FANCI: variants seen among roughly 807,000 people sequenced by gnomAD.
FANCI encodes the protein FA complementation group I.
FANCI carries 156 observed loss-of-function variants against 176.1 expected under a neutral mutation model. The ratio of observed to expected loss-of-function variants is 0.89; its 90% CI spans 0.78 to 1.01. FANCI has a LOEUF of 1.01. FANCI is among the 50% of genes least tolerant of loss of function. FANCI has a pLI of 0.00. For missense variants in FANCI, 1,678 were observed against 1,534.1 expected (o/e 1.09, Z -1.57); for synonymous variants, 613 against 541.7 (o/e 1.13, Z -1.83).
intron 33 of FANCI, 35 bp downstream of exon 33, chr15:89,307,564 A>G: frequency 1.2e-6 from 2 of 1,614,190 alleles, no homozygotes; most frequent in Non-Finnish European, 1.7e-6. Flanking sequence ...GAATGGGGGA[A>G]GCACTTTTAC....
intron 24 of FANCI, among the ~76,000 whole-genome samples, chr15:89,297,796 G>A (rs765643595): frequency 6.8e-5 from 10 of 147,440 alleles, no homozygotes; most frequent in East Asian, 6.0e-4. Context: ...GAGGGGGCTC[G>A]TTTGTTTTTT....
At chr15:89,263,529 A>C in intron 7 of FANCI, 69 bp downstream of exon 7, 4 of 1,280,240 alleles carry the variant, frequency 3.1e-6, no homozygotes, top group Middle Eastern at 1.8e-4. Flanking sequence ...AAATTAAACT[A>C]TAGCAAACGT....
intron 2 of FANCI, among the ~76,000 whole-genome samples, chr15:89,257,835 C>T (rs1472319291): frequency 6.6e-6 from 1 of 152,182 alleles, no homozygotes; most frequent in Non-Finnish European, 1.5e-5. Context: ...TAACAGGTAT[C>T]CCCATTTCAC....
rs904194707 is a variant in FANCI, at chr15:89,273,549, T to C, written c.975+80T>C. ...AAAAAAAAAAAATCACAGTAATCTG[T>C]TTTTGTTGTATCCGTTCCTAAACAA... On this transcript the variant is annotated intron_variant, in intron 11 of 37. Transcript: ENST00000310775. The C allele has an allele frequency of 1.3e-5, 12 of 899,734 alleles. No individual in the cohort carries two copies. In the African/African-American group the frequency reaches 1.7e-4, roughly 13 times the overall value. 55.7% of individuals were successfully genotyped at this position (899,734 alleles called of 1,614,324 possible).
At chr15:89,305,938 C>T in intron 31 of FANCI, 69 bp from the exon 32 acceptor site, 1 of 1,527,070 alleles carries the variant, frequency 6.5e-7, no homozygotes, top group Non-Finnish European at 9.1e-7. Flanking sequence ...TAATCAATTT[C>T]TAAATCTCCT....
At chr15:89,274,839 A>G (rs769530590) in intron 12 of FANCI, among the ~76,000 whole-genome samples, 2 of 151,894 alleles carry the variant, frequency 1.3e-5, no homozygotes, top group Admixed American at 1.3e-4. Flanking sequence ...TTCTGAGCTC[A>G]AGCAATCCAC....
At chr15:89,279,561 C>T (rs1253412770) in intron 14 of FANCI, among the ~76,000 whole-genome samples, 1 of 152,150 alleles carries the variant, frequency 6.6e-6, no homozygotes, top group Non-Finnish European at 1.5e-5. Context: ...TTTATAACTC[C>T]CCTGAAACTT....
At chr15:89,257,510 A>G (rs1381952446) in intron 2 of FANCI, among the ~76,000 whole-genome samples, 1 of 152,138 alleles carries the variant, frequency 6.6e-6, no homozygotes, top group African/African-American at 2.4e-5. Flanking sequence ...AACCTTTAGC[A>G]TTCCTTGGCT....
intron 4 of FANCI, 87 bp downstream of exon 4, chr15:89,260,930 C>A (rs2052686241): frequency 1.3e-6 from 2 of 1,495,656 alleles, no homozygotes; most frequent in Non-Finnish European, 1.9e-6. Context: ...AAGTGCCCAA[C>A]CTAGCATAGT....
chr15:89,291,291 C>T (rs2151704618), intron 19 of FANCI, among the ~76,000 whole-genome samples: 1 of 152,236 alleles, frequency 6.6e-6, no homozygotes, highest in Admixed American at 6.5e-5. Context: ...AGTAGTGGTA[C>T]TGGGATCTTG....
Position 89,263,952 on chromosome 15 carries a change from T to C in FANCI, c.595T>C (p.Leu199=), listed in dbSNP as rs373954813. The part of the protein sequence containing the change: ...EEVEFVVEKA[L]SMFSKMNLQE... ...GGTGGAATTTGTGGTGGAAAAAGCA[T>C]TGAGCATGTTCTCCAAGATGAATCT... The change falls in exon 8 of 38, where the codon TTG becomes CTG. Residue 199 remains leucine (L), a synonymous_variant. Coordinates refer to ENST00000310775, the MANE Select transcript of FANCI (RefSeq NM_001113378.2). The C allele has an allele frequency of 4.3e-6, 7 of 1,614,000 alleles. No homozygotes were observed. The African/African-American group carries it at 5.3e-5, about 12-fold the overall frequency.
chr15:89,281,768 C>G lies in FANCI; in HGVS notation c.1516C>G (p.Leu506Val), dbSNP rs2053624038. ...VQRLLKAVQPLLKVSMSMRDC... is the reference protein window; with the variant it reads ...VQRLLKAVQPVLKVSMSMRDC... ...TTACCCACTGATTCTTTTTCAGCCCCTTCTCAAAGTCAGCATGTCAATGAG... is the reference window on the plus strand; with the variant it reads ...TTACCCACTGATTCTTTTTCAGCCCGTTCTCAAAGTCAGCATGTCAATGAG... The change falls in exon 16 of 38, where the codon CTT becomes GTT. Residue 506 changes from leucine to valine, a missense_variant. Around this residue, in one of 3 missense-constraint regions of FANCI, gnomAD observed 1,204 missense variants for 1,077.4 expected, o/e 1.12. Coordinates refer to ENST00000310775, the MANE Select transcript of FANCI (RefSeq NM_001113378.2). 1 of 1,613,792 alleles carries G rather than the reference C, an allele frequency of 6.2e-7. No homozygotes were observed. Among genetic ancestry groups the G allele is most frequent in the Admixed American group, 1.7e-5 (1 of 60,002 alleles).
At chr15:89,298,784 T>C (rs2054412318) in intron 24 of FANCI, among the ~76,000 whole-genome samples, 2 of 152,214 alleles carry the variant, frequency 1.3e-5, no homozygotes, top group South Asian at 4.1e-4. Flanking sequence ...ATCCTACAGA[T>C]GCTAAAAAAT....
In FANCI at chr15:89,305,425, G is replaced by A. The variant is rs2151915712; in HGVS notation, c.3255+16G>A. The A allele has an allele frequency of 1.1e-5, 17 of 1,613,234 alleles. No homozygotes were observed. The highest frequency in any genetic ancestry group is 1.3e-5 in the Non-Finnish European group (15 of 1,179,886). ...CACTGTCTGTGTAAGTGTTGTACCT[G>A]AGCCATGGGGAATAGCTTTGTCATT... On this transcript the variant is annotated intron_variant, in intron 30 of 37. Transcript: ENST00000310775.
intron 2 of FANCI, among the ~76,000 whole-genome samples, chr15:89,251,849 C>T (rs969481740): frequency 1.3e-4 from 20 of 152,208 alleles, no homozygotes; most frequent in Admixed American, 8.5e-4. Context: ...ATGTATATAT[C>T]TAAATTCTAG....
chr15:89,276,942 G>A (rs2053431650), intron 13 of FANCI, 51 bp downstream of exon 13: 1 of 1,595,986 alleles, frequency 6.3e-7, no homozygotes. Context: ...AATAATCCAA[G>A]TAGGGCTTGG....
intron 27 of FANCI, among the ~76,000 whole-genome samples, 196 bp downstream of exon 27, chr15:89,301,638 C>G (rs968381483): frequency 1.3e-5 from 2 of 152,196 alleles, no homozygotes; most frequent in Non-Finnish European, 2.9e-5. Flanking sequence ...AGCATACTTA[C>G]ATGCAGCCAT....
chr15:89,310,768 A>C (rs2054922562), intron 34 of FANCI, among the ~76,000 whole-genome samples: 1 of 152,208 alleles, frequency 6.6e-6, no homozygotes, highest in Non-Finnish European at 1.5e-5. Context: ...CAATGGGAAG[A>C]AAGCAACGAA....
At chr15:89,255,800 A>G (rs1567139343) in intron 2 of FANCI, among the ~76,000 whole-genome samples, 1 of 152,266 alleles carries the variant, frequency 6.6e-6, no homozygotes, top group African/African-American at 2.4e-5. Context: ...AGTAAAAAGC[A>G]TAACTGAACA....
Sources: gnomAD v4.1 joint callset for allele counts (sites outside exome capture counted in the v4.1 genomes callset) on GRCh38, gnomAD v4.1.1 for gene constraint, gnomAD v4.1.1 regional missense constraint, MANE v1.5 for transcripts, NCBI Gene and HGNC (gene_info 2026-07-23, HGNC 2026-07-21) for gene names.